FBXL4: variants seen among roughly 807,000 people sequenced by gnomAD.
The protein encoded by FBXL4 is F-box/LRR-repeat protein 4.
A neutral mutation model predicts 58.9 loss-of-function variants in FBXL4; 40 were observed. That is an observed-to-expected ratio of 0.68 (90% CI 0.53 to 0.88). The LOEUF (loss-of-function observed/expected upper bound fraction) is 0.88, where lower values mean the gene tolerates loss of function less well. FBXL4 is among the 40% of genes least tolerant of loss of function. The pLI, the probability that FBXL4 is intolerant of heterozygous loss-of-function variation, is 0.00. For missense variants in FBXL4, 676 were observed against 734.4 expected (o/e 0.92, Z 0.92); for synonymous variants, 263 against 265.5 (o/e 0.99, Z 0.09).
chr6:98,913,484 T>C (rs370644179), intron 5 of FBXL4, among the ~76,000 whole-genome samples: 14 of 152,070 alleles, frequency 9.2e-5, no homozygotes, highest in Non-Finnish European at 1.3e-4. Flanking sequence ...CACAGTGCAA[T>C]CAAACTAGAA....
At chr6:98,922,691 G>C (rs1772628512) in intron 4 of FBXL4, among the ~76,000 whole-genome samples, 1 of 152,012 alleles carries the variant, frequency 6.6e-6, no homozygotes, top group Non-Finnish European at 1.5e-5. Context: ...TTGTCCTTTC[G>C]ACTTTGTGGG....
Position 98,873,193 on chromosome 6 carries a change from ATCTC to A in FBXL4, c.*1081_*1084del, listed in dbSNP as rs1187109331. 1.3e-5 allele frequency: 2 copies of A among 148,214 alleles called. No individual in the cohort carries two copies. Among genetic ancestry groups the A allele is most frequent in the Non-Finnish European group, 3.0e-5 (2 of 67,310 alleles). 9.2% of individuals were successfully genotyped at this position (148,214 alleles called of 1,614,324 possible). ...ATCCACACACCCTAGCAAGATATAT[ATCTC>A]TCTCTATATAATATATATAATTATA... On this transcript the variant is annotated 3_prime_UTR_variant, in exon 10 of 10. Transcript: ENST00000369244.
At chr6:98,882,570 A>C (rs1770891181) in intron 7 of FBXL4, among the ~76,000 whole-genome samples, 2 of 151,874 alleles carry the variant, frequency 1.3e-5, no homozygotes, top group South Asian at 4.1e-4. Context: ...TCAAATATAC[A>C]AACAAGTGTA....
intron 1 of FBXL4, among the ~76,000 whole-genome samples, chr6:98,939,126 A>G (rs1458767509): frequency 1.3e-5 from 2 of 151,150 alleles, no homozygotes; most frequent in Non-Finnish European, 2.9e-5. Flanking sequence ...AAAAGACAAG[A>G]CAGGAGGGAG....
Position 98,926,685 on chromosome 6 carries a change from T to A in FBXL4, c.304A>T (p.Thr102Ser). Reference protein sequence around the residue: ...TQTAVFRTYGTWWDQCPSASL... With the variant: ...TQTAVFRTYGSWWDQCPSASL... Reference sequence around the variant, plus strand: ...GCACTAGGACACTGATCCCACCATGTCCCATAAGTTCGAAACACAGCTGTC... The same window carrying A: ...GCACTAGGACACTGATCCCACCATGACCCATAAGTTCGAAACACAGCTGTC... Residue 102 changes from threonine to serine, a missense_variant, in exon 4 of 10, where the codon ACA becomes TCA. By Grantham distance (58) the Thr-to-Ser change is moderately conservative (BLOSUM62 1). Transcript: ENST00000369244. 1 of 1,614,182 alleles carries A rather than the reference T, an allele frequency of 6.2e-7. No individual in the cohort carries two copies. The highest frequency in any genetic ancestry group is 8.5e-7 in the Non-Finnish European group (1 of 1,180,032).
At chr6:98,911,491 G>A (rs970095681) in intron 5 of FBXL4, among the ~76,000 whole-genome samples, 3 of 152,208 alleles carry the variant, frequency 2.0e-5, no homozygotes. Flanking sequence ...AACTTCCAGA[G>A]AAATGATCAG....
At chr6:98,904,089 C>T (rs1053075122) in intron 6 of FBXL4, among the ~76,000 whole-genome samples, 4 of 152,178 alleles carry the variant, frequency 2.6e-5, no homozygotes, top group Non-Finnish European at 5.9e-5. Context: ...TGCTTACTGA[C>T]ACCACTTGTT....
intron 6 of FBXL4, among the ~76,000 whole-genome samples, chr6:98,901,108 G>A (rs893247065): frequency 6.6e-6 from 1 of 152,104 alleles, no homozygotes; most frequent in Non-Finnish European, 1.5e-5. Flanking sequence ...AAGAGAGAAG[G>A]AGATGATAAC....
chr6:98,928,918 A>G (rs1231165780), intron 2 of FBXL4, among the ~76,000 whole-genome samples: 1 of 152,050 alleles, frequency 6.6e-6, no homozygotes, highest in African/African-American at 2.4e-5. Flanking sequence ...TTTTTTCCAC[A>G]TCAGTAGCCT....
intron 7 of FBXL4, among the ~76,000 whole-genome samples, chr6:98,891,598 G>T (rs1372985273): frequency 6.6e-6 from 1 of 151,652 alleles, no homozygotes; most frequent in African/African-American, 2.4e-5. Flanking sequence ...CAGTCAAAAA[G>T]ACATGGGGCT....
chr6:98,920,819 T>C (rs201769676), intron 4 of FBXL4, among the ~76,000 whole-genome samples: 35 of 144,878 alleles, frequency 2.4e-4, no homozygotes, highest in East Asian at 4.1e-4. Context: ...TACACACACA[T>C]ACACACACAC....
At chr6:98,910,771 G>A (rs1772016193) in intron 5 of FBXL4, among the ~76,000 whole-genome samples, 1 of 152,182 alleles carries the variant, frequency 6.6e-6, no homozygotes, top group South Asian at 2.1e-4. Flanking sequence ...GGTGATTTCT[G>A]CATTTCCATC....
At chr6:98,933,608 C>G (rs1289444454) in intron 2 of FBXL4, among the ~76,000 whole-genome samples, 1 of 152,168 alleles carries the variant, frequency 6.6e-6, no homozygotes, top group African/African-American at 2.4e-5. Context: ...TTCCTCTGCT[C>G]TTATATGTTC....
chr6:98,935,066 A>G (rs1349385879), intron 1 of FBXL4, among the ~76,000 whole-genome samples, 187 bp from the exon 2 acceptor site: 1 of 152,258 alleles, frequency 6.6e-6, no homozygotes, highest in African/African-American at 2.4e-5. Flanking sequence ...CAAGAAGTCA[A>G]GTAGGAATGA....
At chr6:98,892,322 C>T (rs535965657) in intron 7 of FBXL4, among the ~76,000 whole-genome samples, 2 of 152,218 alleles carry the variant, frequency 1.3e-5, no homozygotes, top group South Asian at 2.1e-4. Context: ...TGACCAAAGC[C>T]GGTTCTTTCT....
At chr6:98,938,323 A>G (rs899318214) in intron 1 of FBXL4, among the ~76,000 whole-genome samples, 10 of 151,990 alleles carry the variant, frequency 6.6e-5, no homozygotes, top group African/African-American at 2.2e-4. Flanking sequence ...GTTCCTTACA[A>G]CCCCCTGATC....
At chr6:98,880,419 G>A in intron 8 of FBXL4, 134 bp downstream of exon 8, 1 of 663,372 alleles carries the variant, frequency 1.5e-6, no homozygotes. Context: ...TTGAAAGCAA[G>A]GGACAAAGAA....
chr6:98,940,190 C>CT (rs887610928), intron 1 of FBXL4, among the ~76,000 whole-genome samples: 4 of 151,770 alleles, frequency 2.6e-5, no homozygotes, highest in African/African-American at 4.8e-5. Context: ...TGTGAAATAC[C>CT]TTTTTTTGAT....
Position 98,874,366 on chromosome 6 carries a change from G to C in FBXL4, c.1778C>G (p.Ser593Cys), listed in dbSNP as rs768243264. Residue 593 changes from serine (S) to cysteine (C), a missense_variant, in exon 10 of 10, where the codon TCC becomes TGC. Transcript: ENST00000369244. ...TCTGTTATCAATCTGCGAACAGAAG[G>C]ACACATCAAGTAAAGAAAGATCTTT... ...SCKDLSLLDV[S>C]FCSQIDNRAV... The C allele has an allele frequency of 1.2e-6, 2 of 1,613,224 alleles. No individual in the cohort carries two copies. The highest frequency in any genetic ancestry group is 1.7e-6 in the Non-Finnish European group (2 of 1,179,644).
Sources: allele counts gnomAD v4.1 joint callset (sites outside exome capture counted in the v4.1 genomes callset), GRCh38; gene constraint gnomAD v4.1.1; transcripts MANE v1.5; gene names NCBI Gene and HGNC (gene_info 2026-07-23, HGNC 2026-07-21).